The following METTL21A variants were observed in gnomAD, a reference collection of about 807,000 sequenced individuals.
METTL21A encodes the protein protein N-lysine methyltransferase METTL21A.
In METTL21A, 22 loss-of-function variants were observed where a neutral mutation model predicts 20.9. The observed-to-expected ratio is 1.05, with a 90% CI of 0.75 to 1.50. The LOEUF (loss-of-function observed/expected upper bound fraction) is 1.50. Among genes scored for constraint, METTL21A ranks in the 40% most tolerant of loss-of-function variants. The pLI is 0.00. For missense variants in METTL21A, 271 were observed against 266.8 expected (o/e 1.02, Z -0.11); for synonymous variants, 93 against 102.0 (o/e 0.91, Z 0.53).
At chr2:207,616,767 A>G (rs2089808672) in intron 3 of METTL21A, among the ~76,000 whole-genome samples, 1 of 152,002 alleles carries the variant, frequency 6.6e-6, no homozygotes, top group Non-Finnish European at 1.5e-5. Context: ...AATCGCTTGA[A>G]CCCGGGAGGC....
At chr2:207,604,504 A>T (rs2087727591), downstream of METTL21A, among the ~76,000 whole-genome samples, 1 of 152,238 alleles carries the variant, frequency 6.6e-6, no homozygotes, top group South Asian at 2.1e-4. Context: ...TCTTAAGTGC[A>T]GTGACCAAAC....
intron 3 of METTL21A, among the ~76,000 whole-genome samples, chr2:207,615,521 C>A (rs918611233): frequency 6.6e-6 from 1 of 151,886 alleles, no homozygotes; most frequent in African/African-American, 2.4e-5. Flanking sequence ...CATGGTGAAA[C>A]CCCGTCTCTA....
At chr2:207,588,740 T>TG (rs1553508130) in intron 3 of METTL21A, among the ~76,000 whole-genome samples, 43 of 109,590 alleles carry the variant, frequency 3.9e-4, no homozygotes, top group African/African-American at 8.5e-4. Context: ...TTTTTTTTTT[T>TG]TTGTGTGTGG....
At position 207,624,213 on chromosome 2, in the gene METTL21A, C is replaced by T. The variant is rs2090843449; in HGVS notation, c.147+16G>A. Reference sequence around the variant, plus strand: ...CAAGTGTGAACGTTTTCAGAGGTCCCCCAGGGCTTACTTACCGCATCCCAA... The same window carrying T: ...CAAGTGTGAACGTTTTCAGAGGTCCTCCAGGGCTTACTTACCGCATCCCAA... On this transcript the variant is annotated intron_variant, in intron 2 of 3. Coordinates refer to ENST00000406927, the Ensembl canonical transcript of METTL21A. The T allele has an allele frequency of 1.3e-6, 2 of 1,588,666 alleles. No individual in the cohort carries two copies. Among genetic ancestry groups the T allele is most frequent in the Non-Finnish European group, 1.7e-6 (2 of 1,169,178 alleles).
intron 3 of METTL21A, among the ~76,000 whole-genome samples, chr2:207,617,606 G>A (rs1280586163): frequency 4.6e-5 from 7 of 152,256 alleles, no homozygotes; most frequent in Non-Finnish European, 1.0e-4. Context: ...CTGGGATTTA[G>A]CCTGCAGGCA....
At chr2:207,612,508 C>G (rs539610242), downstream of METTL21A, 1 of 151,768 alleles carries the variant, frequency 6.6e-6, no homozygotes, top group South Asian at 2.1e-4. Flanking sequence ...ATATGAGACC[C>G]AAAAAAGCTC....
intron 3 of METTL21A, among the ~76,000 whole-genome samples, chr2:207,589,095 C>G (rs1006300505): frequency 6.6e-6 from 1 of 151,996 alleles, no homozygotes; most frequent in African/African-American, 2.4e-5. Context: ...TATTAGTTTT[C>G]TATTGCTGCA....
At chr2:207,601,997 T>C (rs2087138949) in intron 3 of METTL21A, 1 of 206,860 alleles carries the variant, frequency 4.8e-6, no homozygotes, top group Non-Finnish European at 9.9e-6. Flanking sequence ...CATTAATCTT[T>C]GAGGGGCTGA....
At chr2:207,616,900 A>G (rs1390070233) in intron 3 of METTL21A, among the ~76,000 whole-genome samples, 1 of 152,224 alleles carries the variant, frequency 6.6e-6, no homozygotes, top group African/African-American at 2.4e-5. Flanking sequence ...CCACTCAGCC[A>G]CAGAGGCACA....
intron 2 of METTL21A, among the ~76,000 whole-genome samples, chr2:207,623,479 A>C (rs1368183307): frequency 3.3e-5 from 5 of 152,232 alleles, no homozygotes; most frequent in African/African-American, 1.2e-4. Flanking sequence ...TTTTTTAACA[A>C]TTACAACTAT....
chr2:207,618,084 G>A (rs1408257713), intron 3 of METTL21A, among the ~76,000 whole-genome samples: 3 of 152,298 alleles, frequency 2.0e-5, no homozygotes, highest in African/African-American at 4.8e-5. Context: ...ATTTGCACTC[G>A]AATTACAGGA....
chr2:207,612,355 C>G (rs1442751596), downstream of METTL21A: 1 of 151,926 alleles, frequency 6.6e-6, no homozygotes, highest in Non-Finnish European at 1.5e-5. Flanking sequence ...CCGCCTCGGC[C>G]TCCCAAAGTG....
intron 3 of METTL21A, among the ~76,000 whole-genome samples, chr2:207,585,571 A>G (rs549094401): frequency 6.6e-6 from 1 of 152,206 alleles, no homozygotes; most frequent in African/African-American, 2.4e-5. Context: ...TTCCACTAAC[A>G]GATCTCAAAG....
chr2:207,598,796 C>T (rs143910207), intron 3 of METTL21A: 93 of 169,384 alleles, frequency 5.5e-4, no homozygotes, highest in Non-Finnish European at 1.0e-3. Flanking sequence ...TGCAGTGAGC[C>T]GAGATAGCAC....
chr2:207,581,896 T>C, exon 4 of METTL21A: 2 of 703,008 alleles, frequency 2.8e-6, no homozygotes, highest in Non-Finnish European at 5.2e-6. Context: ...TGAAGAGTAG[T>C]GATCTGTTTT....
intron 3 of METTL21A, chr2:207,597,966 T>C (rs1351603005): frequency 5.4e-6 from 1 of 184,468 alleles, no homozygotes; most frequent in African/African-American, 2.3e-5. Flanking sequence ...AATATTTATA[T>C]TGTCACTCAT....
At chr2:207,608,460 G>A (rs7569963), downstream of METTL21A, among the ~76,000 whole-genome samples, 32,970 of 151,636 alleles carry the variant, frequency 0.22, 4,566 homozygotes, top group South Asian at 0.3. Flanking sequence ...GTAGGGCAAG[G>A]GAAAAAAGCT....
At position 207,620,106 on chromosome 2, in the gene METTL21A, T is replaced by C. The variant is rs1321913666; in HGVS notation, c.259+1700A>G. Among the ~76,000 whole-genome samples, 5 of 152,172 alleles carry C rather than the reference T, an allele frequency of 3.3e-5. No homozygotes were observed. In the East Asian group the frequency reaches 7.7e-4, roughly 23 times the overall value. On this transcript the variant is annotated intron_variant, in intron 3 of 3. Transcript: ENST00000406927. ...ACAGAAGAAACCTCATTTCCCCTTATAGTAACTCTTATATCAGCAGAGAGA... is the reference window on the plus strand; with the variant it reads ...ACAGAAGAAACCTCATTTCCCCTTACAGTAACTCTTATATCAGCAGAGAGA...
At chr2:207,606,119 C>T (rs898790248), downstream of METTL21A, among the ~76,000 whole-genome samples, 2 of 152,152 alleles carry the variant, frequency 1.3e-5, no homozygotes, top group African/African-American at 2.4e-5. Flanking sequence ...AAATTTTTAA[C>T]CCCTCTGGTT....
Sources: allele counts gnomAD v4.1 joint callset (sites outside exome capture counted in the v4.1 genomes callset), GRCh38; gene constraint gnomAD v4.1.1; transcripts MANE v1.5; gene names NCBI Gene and HGNC (gene_info 2026-07-23, HGNC 2026-07-21).